CUX2: variants seen among roughly 807,000 people sequenced by gnomAD.
CUX2 encodes homeobox protein cut-like 2.
In CUX2, 40 loss-of-function variants were observed where a neutral mutation model predicts 144.8. That is an observed-to-expected ratio of 0.28 (90% confidence interval 0.21 to 0.36). CUX2 has a LOEUF of 0.36. Among genes scored for constraint, CUX2 ranks in the 10% least tolerant of loss-of-function variants. The pLI is 1.00. For synonymous variants in CUX2, 827 were observed against 875.6 expected, an observed-to-expected ratio of 0.94 and a Z score of 0.98; for missense variants, 1,615 against 1,994.0, an observed-to-expected ratio of 0.81 and a Z score of 3.62.
chr12:111,144,926 CT>C (rs1876565029), intron 1 of CUX2, among the ~76,000 whole-genome samples: 4 of 152,192 alleles, frequency 2.6e-5, no homozygotes, highest in African/African-American at 9.6e-5. Flanking sequence ...CTGGTCATAC[CT>C]TTTTCCTGTC....
At position 111,171,414 on chromosome 12, in the gene CUX2, G is replaced by C. The variant is rs1435121121; in HGVS notation, c.64-42786G>C. Reference sequence around the variant, plus strand: ...TTTTCTGAGACCGGCCAGAAGGACAGACGAGAGGGGTTTCTTATGCACCAG... The same window carrying C: ...TTTTCTGAGACCGGCCAGAAGGACACACGAGAGGGGTTTCTTATGCACCAG... On this transcript the variant is annotated intron_variant, in intron 1 of 21. Transcript: ENST00000261726. The surrounding 1 kb of genome is among the most constrained non-coding windows in gnomAD (Gnocchi z 5.0). Among the ~76,000 whole-genome samples the C allele has an allele frequency of 6.6e-6, 1 of 152,198 alleles. No individual in the cohort carries two copies. Among genetic ancestry groups the C allele is most frequent in the African/African-American group, 2.4e-5 (1 of 41,454 alleles).
intron 1 of CUX2, among the ~76,000 whole-genome samples, chr12:111,049,108 C>T (rs1299892961): frequency 6.6e-6 from 1 of 152,142 alleles, no homozygotes; most frequent in African/African-American, 2.4e-5. Flanking sequence ...GTCCACTCAT[C>T]CATCCATCCC....
intron 1 of CUX2, among the ~76,000 whole-genome samples, chr12:111,040,565 C>G (rs191460638): frequency 1.8e-4 from 27 of 152,198 alleles, no homozygotes; most frequent in African/African-American, 5.8e-4. Context: ...GCCCAAATGT[C>G]GTGACCACTC....
Position 111,035,328 on chromosome 12 carries a change from G to C in CUX2, c.63+1088G>C, listed in dbSNP as rs971565080. On this transcript the variant is annotated intron_variant, in intron 1 of 21. Coordinates refer to ENST00000261726, the MANE Select transcript of CUX2 (RefSeq NM_015267.4). The surrounding 1 kb of genome is among the most constrained non-coding windows in gnomAD (Gnocchi z 6.0). The stretch of plus-strand genomic sequence containing the variant: ...TGTGGGAGTCTGTGTGCCTCCCCTA[G>C]ATTTGGAGGTGTTCTCTGCGGACCC... Among the ~76,000 whole-genome samples the C allele has an allele frequency of 6.6e-6, 1 of 152,182 alleles. No homozygotes were observed. Among genetic ancestry groups the C allele is most frequent in the Non-Finnish European group, 1.5e-5 (1 of 68,040 alleles).
intron 2 of CUX2, among the ~76,000 whole-genome samples, chr12:111,215,964 G>A (rs146317668): frequency 1.2e-4 from 18 of 152,224 alleles, no homozygotes; most frequent in Middle Eastern, 3.4e-3. Flanking sequence ...TATTATAGTC[G>A]TGCCTCTGAA....
chr12:111,154,423 G>A (rs934780876), intron 1 of CUX2, among the ~76,000 whole-genome samples: 6 of 152,090 alleles, frequency 3.9e-5, no homozygotes, highest in Admixed American at 1.3e-4. Flanking sequence ...TCAGCCTGGC[G>A]CCACGATGTA....
At chr12:111,198,546 A>C (rs970398859) in intron 1 of CUX2, among the ~76,000 whole-genome samples, 1 of 152,084 alleles carries the variant, frequency 6.6e-6, no homozygotes, top group Non-Finnish European at 1.5e-5. Flanking sequence ...ATGGAGGTGA[A>C]CAAAACAGAC....
chr12:111,307,331 T>C lies in CUX2; in HGVS notation c.1109+74T>C. On this transcript the variant is annotated intron_variant, in intron 12 of 21. Coordinates refer to ENST00000261726, the MANE Select transcript of CUX2 (RefSeq NM_015267.4). The surrounding 1 kb of genome is among the most constrained non-coding windows in gnomAD (Gnocchi z 4.1). ...CAGGAGCTCTTGGCAAAGTTCATCA[T>C]CTTCCTCCCTCCTACTAAACCCCAT... 2 of 1,327,584 alleles carry C rather than the reference T, an allele frequency of 1.5e-6. No homozygotes were observed. Among genetic ancestry groups the C allele is most frequent in the South Asian group, 2.4e-5 (2 of 82,192 alleles). 82.2% of individuals were successfully genotyped at this position (1,327,584 alleles called of 1,614,324 possible).
At chr12:111,332,645 A>G (rs188954574) in intron 18 of CUX2, among the ~76,000 whole-genome samples, 1 of 152,154 alleles carries the variant, frequency 6.6e-6, no homozygotes, top group African/African-American at 2.4e-5. Context: ...TCTAATTTAC[A>G]GAAAAATTGA....
intron 1 of CUX2, among the ~76,000 whole-genome samples, chr12:111,162,105 C>T (rs1027024028): frequency 2.2e-4 from 33 of 152,342 alleles, no homozygotes; most frequent in African/African-American, 6.7e-4. Flanking sequence ...AGGGGGAAAG[C>T]TGAGGCCCAG....
chr12:111,308,170 CT>C, intron 12 of CUX2, 114 bp from the exon 13 acceptor site: 1 of 1,139,728 alleles, frequency 8.8e-7, no homozygotes, highest in Non-Finnish European at 1.3e-6. Flanking sequence ...TAATGGGGTT[CT>C]GGGGAATGGA....
chr12:111,195,705 A>G (rs1289338200), intron 1 of CUX2, among the ~76,000 whole-genome samples: 1 of 152,212 alleles, frequency 6.6e-6, no homozygotes, highest in East Asian at 1.9e-4. Flanking sequence ...ACAGAGCCCA[A>G]CACTAAGGAC....
At chr12:111,245,928 G>T (rs1883260164) in intron 3 of CUX2, among the ~76,000 whole-genome samples, 1 of 152,190 alleles carries the variant, frequency 6.6e-6, no homozygotes, top group Non-Finnish European at 1.5e-5. Flanking sequence ...TGAGACAACA[G>T]GGAGGCGTGG....
chr12:111,043,071 G>A (rs1165628266), intron 1 of CUX2, among the ~76,000 whole-genome samples: 1 of 151,948 alleles, frequency 6.6e-6, no homozygotes, highest in Non-Finnish European at 1.5e-5. Context: ...CACCACTTAC[G>A]GTATAAATAA....
chr12:111,225,475 G>A (rs190098299), intron 3 of CUX2, among the ~76,000 whole-genome samples: 4 of 152,360 alleles, frequency 2.6e-5, no homozygotes, highest in African/African-American at 7.2e-5. Flanking sequence ...ACGCAGCCAG[G>A]AAGGCACAGC....
At chr12:111,193,947 G>GC (rs60915907) in intron 1 of CUX2, among the ~76,000 whole-genome samples, 53,424 of 151,938 alleles carry the variant, frequency 0.35, 13,035 homozygotes, top group African/African-American at 0.68. Flanking sequence ...TGGATGCCAA[G>GC]GTTGGGCTCC....
intron 1 of CUX2, among the ~76,000 whole-genome samples, chr12:111,092,508 A>G (rs80000035): frequency 0.014 from 2,060 of 152,276 alleles, 49 homozygotes; most frequent in African/African-American, 0.047. Context: ...TTTTAATGCT[A>G]GACACTGACT....
At chr12:111,150,278 G>A (rs778286116) in intron 1 of CUX2, among the ~76,000 whole-genome samples, 1 of 151,912 alleles carries the variant, frequency 6.6e-6, no homozygotes, top group African/African-American at 2.4e-5. Flanking sequence ...TAACTTGATG[G>A]GTTAAAAAAA....
intron 1 of CUX2, among the ~76,000 whole-genome samples, chr12:111,182,110 C>T (rs1294709182): frequency 2.0e-5 from 3 of 151,916 alleles, no homozygotes; most frequent in African/African-American, 4.8e-5. Flanking sequence ...AGGGCAGGGT[C>T]GGGGGATAAA....
Sources: gnomAD v4.1 joint callset for allele counts (sites outside exome capture counted in the v4.1 genomes callset) on GRCh38, gnomAD v4.1.1 for gene constraint, Gnocchi (gnomAD v3.1) non-coding constraint, MANE v1.5 for transcripts, NCBI Gene and HGNC (gene_info 2026-07-23, HGNC 2026-07-21) for gene names.